Variants in BAZ2A observed in about 807,000 individuals in gnomAD.
The protein encoded by BAZ2A is bromodomain adjacent to zinc finger domain protein 2A.
A neutral mutation model predicts 199.9 loss-of-function variants in BAZ2A; 34 were observed. The observed-to-expected ratio is 0.17, with a 90% CI of 0.13 to 0.23. BAZ2A has a LOEUF of 0.23. Among genes scored for constraint, BAZ2A ranks in the 10% least tolerant of loss-of-function variants. The pLI, the probability that BAZ2A is intolerant of heterozygous loss-of-function variation, is 1.00. For synonymous variants in BAZ2A, 857 were observed against 883.9 expected (o/e 0.97, Z 0.54); for missense variants, 2,002 against 2,391.1 (o/e 0.84, Z 3.39).
chr12:56,613,383 T>A, intron 4 of BAZ2A, 150 bp from the exon 5 acceptor site: 1 of 842,354 alleles, frequency 1.2e-6, no homozygotes, highest in Non-Finnish European at 1.8e-6. Context: ...AGTAAAGCCT[T>A]CTCCCTGAAA....
Position 56,610,122 on chromosome 12 carries a change from T to C in BAZ2A, c.1873A>G (p.Thr625Ala). The C allele has an allele frequency of 1.2e-6, 2 of 1,613,912 alleles. No individual in the cohort carries two copies. Among genetic ancestry groups the C allele is most frequent in the Non-Finnish European group, 1.7e-6 (2 of 1,179,846 alleles). Residue 625 changes from threonine (T) to alanine (A), a missense_variant, in exon 9 of 29, where the codon ACG (threonine) becomes GCG (alanine). Around this residue, in one of 6 missense-constraint regions of BAZ2A, gnomAD observed 74 missense variants for 126.1 expected, o/e 0.59. Coordinates refer to ENST00000549884, the MANE Select transcript of BAZ2A (RefSeq NM_001300905.2). Reference protein sequence around the residue: ...PVGDFFEERDTPEGLQWVQLS... With the variant: ...PVGDFFEERDAPEGLQWVQLS... ...AACCCTTGGGTCTGCACCTCTGGCG[T>C]GTCTCTTTCTTCAAAGAAATCTCCA... is the stretch of plus-strand genomic sequence containing the variant.
At chr12:56,605,652 G>C (rs1358954425) in intron 13 of BAZ2A, 178 bp downstream of exon 13, 1 of 724,546 alleles carries the variant, frequency 1.4e-6, no homozygotes, top group Non-Finnish European at 2.2e-6. Flanking sequence ...GAACTGCTGG[G>C]CTCAAGCGAT....
At chr12:56,630,990 T>A (rs1156299629), upstream of BAZ2A, 1 of 477,948 alleles carries the variant, frequency 2.1e-6, no homozygotes, top group African/African-American at 2.1e-5. Flanking sequence ...GCCACAAATG[T>A]CCACCCATTC....
At chr12:56,632,727 T>G (rs1592635898), upstream of BAZ2A, among the ~76,000 whole-genome samples, 2 of 152,108 alleles carry the variant, frequency 1.3e-5, no homozygotes, top group Non-Finnish European at 2.9e-5. Context: ...AAGACTACAA[T>G]CATCCTCATT....
At chr12:56,634,926 G>C (rs1012961443), upstream of BAZ2A, 11 of 985,212 alleles carry the variant, frequency 1.1e-5, no homozygotes, top group Non-Finnish European at 1.2e-5. Context: ...CGGAGCTGGA[G>C]GTGGGTGCCG....
At chr12:56,637,315 A>C (rs1288980969), upstream of BAZ2A, among the ~76,000 whole-genome samples, 2 of 152,244 alleles carry the variant, frequency 1.3e-5, no homozygotes, top group East Asian at 3.8e-4. Context: ...TGCACCTCTC[A>C]GTCGGCTAAA....
intron 1 of BAZ2A, among the ~76,000 whole-genome samples, chr12:56,621,597 A>C (rs1485408018): frequency 6.6e-6 from 1 of 152,008 alleles, no homozygotes; most frequent in African/African-American, 2.4e-5. Flanking sequence ...TTTTGTACCC[A>C]CTTTTAAGGA....
intron 1 of BAZ2A, among the ~76,000 whole-genome samples, chr12:56,625,808 G>A (rs1377014080): frequency 6.7e-6 from 1 of 149,030 alleles, no homozygotes; most frequent in Non-Finnish European, 1.5e-5. Flanking sequence ...CCCGGGAGGC[G>A]GAGCTTGCAG....
Position 56,615,096 on chromosome 12 carries a change from T to C in BAZ2A, c.648A>G (p.Ala216=), listed in dbSNP as rs775020938. ...CAACTGAAGTCATCTCCTTTTCTGC[T>C]GCCTCATCAGGATGGATACCACTGC... The part of the protein sequence containing the change: ...EVGSGIHPDE[A]AEKEMTSVVA... Residue 216 remains alanine (A), a synonymous_variant, in exon 3 of 29, where the codon GCA becomes GCG. Coordinates refer to ENST00000549884, the MANE Select transcript of BAZ2A (RefSeq NM_001300905.2). The C allele has an allele frequency of 6.2e-7, 1 of 1,613,932 alleles. No homozygotes were observed. Among genetic ancestry groups the C allele is most frequent in the South Asian group, 1.1e-5 (1 of 91,034 alleles).
chr12:56,610,284 A>T (rs1422602087), intron 8 of BAZ2A, 69 bp from the exon 9 acceptor site: 8 of 1,584,930 alleles, frequency 5.0e-6, no homozygotes, highest in Non-Finnish European at 6.9e-6. Flanking sequence ...GCAAAGGCAT[A>T]AGCAGAACAG....
In BAZ2A at chr12:56,595,726, T is replaced by C. The variant is rs957087793; in HGVS notation, c.*2892A>G. 27 of 152,648 alleles carry C rather than the reference T, an allele frequency of 1.8e-4. No individual in the cohort carries two copies. Among genetic ancestry groups the C allele is most frequent in the African/African-American group, 6.0e-4 (25 of 41,552 alleles). 9.5% of individuals were successfully genotyped at this position (152,648 alleles called of 1,614,324 possible). A position where few individuals can be genotyped will look rare whatever the true frequency, so the allele number is the denominator to read the frequency against. On this transcript the variant is annotated 3_prime_UTR_variant, in exon 29 of 29. Transcript: ENST00000549884. ...CACATCTCACAAGGCAGGACCTGGA[T>C]GCACTGAATCCCCCTTTGCTCCAGC...
Position 56,604,198 on chromosome 12 carries a change from C to A in BAZ2A, c.3038+19G>T, listed in dbSNP as rs1950272090. On this transcript the variant is annotated intron_variant, in intron 16 of 28. Transcript: ENST00000549884. ...CACTTCTCTCCTCTCTGAGGCTCTA[C>A]TCTCTGTCTGGTCCCTACCTCCGGA... 1.9e-6 allele frequency: 3 copies of A among 1,593,704 alleles called. No homozygotes were observed. In the Admixed American group the frequency reaches 5.2e-5, roughly 28 times the overall value.
At chr12:56,606,556 G>T in intron 11 of BAZ2A, 77 bp downstream of exon 11, 2 of 1,408,940 alleles carry the variant, frequency 1.4e-6, no homozygotes, top group East Asian at 2.3e-5. Context: ...AGTGACGGAT[G>T]TGGGAAATGA....
intron 1 of BAZ2A, among the ~76,000 whole-genome samples, chr12:56,625,114 G>A (rs950846031): frequency 4.6e-5 from 7 of 150,550 alleles, no homozygotes; most frequent in African/African-American, 1.2e-4. Flanking sequence ...TTATATTAAG[G>A]TAATTTCCCT....
In BAZ2A at chr12:56,609,781, A is replaced by C. The variant is rs930022335; in HGVS notation, c.2047T>G (p.Leu683Val). 1.2e-6 allele frequency: 2 copies of C among 1,613,810 alleles called. No homozygotes were observed. Among genetic ancestry groups the C allele is most frequent in the African/African-American group, 2.7e-5 (2 of 74,892 alleles). ...AGGGGGCGGTTGTCTGTCTTGTTCA[A>C]TAGCTCAGTGATTTTGACCTTAGGT... Reference protein sequence around the residue: ...RPPKVKITELLNKTDNRPLKK... With the variant: ...RPPKVKITELVNKTDNRPLKK... The change falls in exon 10 of 29, where the codon TTG becomes GTG. Residue 683 changes from leucine to valine, a missense_variant. By Grantham distance (32) the Leu-to-Val change is conservative. This residue lies in a region of BAZ2A where 1,081 missense variants were observed against 1,274.7 expected (regional missense o/e 0.85). Transcript: ENST00000549884.
Position 56,605,175 on chromosome 12 carries a change from C to T in BAZ2A, c.2646G>A (p.Glu882=). Reference sequence around the variant, plus strand: ...AGCTGTCACCTTGACACAGGAGTCCCTCCTGCAGGACCCCCAGGCTAGGCA... The same window carrying T: ...AGCTGTCACCTTGACACAGGAGTCCTTCCTGCAGGACCCCCAGGCTAGGCA... The part of the protein sequence containing the change: ...KDVPSLGVLQ[E]GLLCQGDSLG... The change falls in exon 14 of 29, where the codon GAG becomes GAA. Residue 882 remains glutamate, a synonymous_variant. Transcript: ENST00000549884. 6.2e-7 allele frequency: 1 copy of T among 1,613,796 alleles called. No homozygotes were observed. The highest frequency in any genetic ancestry group is 8.5e-7 in the Non-Finnish European group (1 of 1,179,836).
At chr12:56,636,478 G>A, upstream of BAZ2A, 1 of 936,772 alleles carries the variant, frequency 1.1e-6, no homozygotes, top group South Asian at 2.6e-5. Context: ...AGGAAGGTTA[G>A]AGAGCTGTGT....
Position 56,615,565 on chromosome 12 carries a change from G to A in BAZ2A, c.179C>T (p.Ser60Phe), listed in dbSNP as rs1287278067. The A allele has an allele frequency of 2.5e-6, 4 of 1,611,762 alleles. No individual in the cohort carries two copies. The highest frequency in any genetic ancestry group is 3.4e-6 in the Non-Finnish European group (4 of 1,179,250). ...DVNVNGLSTVSHTTTSGILNS... is the reference protein window; with the variant it reads ...DVNVNGLSTVFHTTTSGILNS... ...CAAAATCCCTGAAGTAGTAGTGTGA[G>A]ATACAGTAGATAAGCCATTAACATT... The change falls in exon 3 of 29, where the codon TCT becomes TTT. Residue 60 changes from serine (S) to phenylalanine (F), a missense_variant. Ser to Phe is a radical substitution (Grantham distance 155). Around this residue, in one of 6 missense-constraint regions of BAZ2A, gnomAD observed 641 missense variants for 694.5 expected, o/e 0.92. Coordinates refer to ENST00000549884, the MANE Select transcript of BAZ2A (RefSeq NM_001300905.2).
At chr12:56,605,045 G>C in intron 14 of BAZ2A, 28 bp downstream of exon 14, 1 of 1,558,146 alleles carries the variant, frequency 6.4e-7, no homozygotes, top group African/African-American at 1.4e-5. Flanking sequence ...TACTTGTCCT[G>C]GTTACTTTGG....
Sources: gnomAD v4.1 joint callset for allele counts (sites outside exome capture counted in the v4.1 genomes callset) on GRCh38, gnomAD v4.1.1 for gene constraint, gnomAD v4.1.1 regional missense constraint, MANE v1.5 for transcripts, NCBI Gene and HGNC (gene_info 2026-07-23, HGNC 2026-07-21) for gene names.